KCNH1: variants seen among roughly 807,000 people sequenced by gnomAD.
The protein encoded by KCNH1 is potassium voltage-gated channel subfamily H member 1, also known as voltage-gated delayed rectifier potassium channel KCNH1.
In KCNH1, 27 loss-of-function variants were observed where a neutral mutation model predicts 69.2. The observed-to-expected ratio is 0.39, with a 90% CI of 0.29 to 0.54. The LOEUF is 0.54. KCNH1 is among the 20% of genes least tolerant of loss of function. The probability of loss-of-function intolerance (pLI) is 0.68; values close to 1 mark genes in which losing one functional copy is unlikely to be tolerated. For synonymous variants in KCNH1, 456 were observed against 487.7 expected, an observed-to-expected ratio of 0.93 and a Z score of 0.86; for missense variants, 798 against 1,261.6, an observed-to-expected ratio of 0.63 and a Z score of 5.57.
At chr1:210,786,072 T>C (rs1333934480) in intron 9 of KCNH1, among the ~76,000 whole-genome samples, 1 of 152,208 alleles carries the variant, frequency 6.6e-6, no homozygotes, top group African/African-American at 2.4e-5. Context: ...ATCTATGCAA[T>C]TTATTAAGCA....
intron 7 of KCNH1, among the ~76,000 whole-genome samples, chr1:210,905,128 G>GTCA (rs1687075544): frequency 6.6e-6 from 1 of 152,172 alleles, no homozygotes; most frequent in Non-Finnish European, 1.5e-5. Flanking sequence ...ACATAGGACA[G>GTCA]GTCTTCGATA....
intron 10 of KCNH1, among the ~76,000 whole-genome samples, chr1:210,693,584 A>C (rs115864679): frequency 0.022 from 3,337 of 152,286 alleles, 44 homozygotes; most frequent in Middle Eastern, 0.048. Flanking sequence ...CATACACACC[A>C]GTTCATGATG....
intron 7 of KCNH1, among the ~76,000 whole-genome samples, chr1:210,910,900 C>G (rs190698945): frequency 6.6e-6 from 1 of 152,190 alleles, no homozygotes; most frequent in Non-Finnish European, 1.5e-5. Context: ...CTCTTTTATG[C>G]CACATTCATG....
At chr1:210,887,291 A>C (rs1686634609) in intron 7 of KCNH1, among the ~76,000 whole-genome samples, 1 of 152,184 alleles carries the variant, frequency 6.6e-6, no homozygotes, top group African/African-American at 2.4e-5. Flanking sequence ...TATCTAGCCA[A>C]ACTAAGCTTC....
intron 5 of KCNH1, among the ~76,000 whole-genome samples, chr1:211,035,324 C>A (rs959998365): frequency 7.3e-6 from 1 of 136,530 alleles, no homozygotes; most frequent in Non-Finnish European, 1.5e-5. Flanking sequence ...TCTCGGCTCA[C>A]TGCAAGCTCC....
chr1:210,731,270 T>C (rs1051294575), intron 10 of KCNH1, among the ~76,000 whole-genome samples: 1 of 152,208 alleles, frequency 6.6e-6, no homozygotes, highest in Non-Finnish European at 1.5e-5. Flanking sequence ...AAAGCCCATA[T>C]ACTTGGAGTT....
chr1:210,888,852 G>T (rs1452233628), intron 7 of KCNH1, among the ~76,000 whole-genome samples: 1 of 152,124 alleles, frequency 6.6e-6, no homozygotes, highest in East Asian at 1.9e-4. Flanking sequence ...GACTAAACCA[G>T]GAAGAAGTCA....
chr1:210,698,232 T>A (rs1681688208), intron 10 of KCNH1, among the ~76,000 whole-genome samples: 1 of 152,132 alleles, frequency 6.6e-6, no homozygotes, highest in Admixed American at 6.5e-5. Flanking sequence ...CAATCTTGGC[T>A]TTCTTGGTTG....
intron 7 of KCNH1, among the ~76,000 whole-genome samples, chr1:210,866,323 A>C (rs1332027687): frequency 1.3e-5 from 2 of 152,208 alleles, no homozygotes; most frequent in Admixed American, 6.5e-5. Context: ...AGCTAGTAAA[A>C]AATGCAACCC....
chr1:210,713,258 C>A (rs1395658370), intron 10 of KCNH1, among the ~76,000 whole-genome samples: 2 of 152,166 alleles, frequency 1.3e-5, no homozygotes, highest in African/African-American at 2.4e-5. Flanking sequence ...ATGAGATTGA[C>A]AGATGCCACC....
chr1:210,882,345 G>A (rs1686513876), intron 7 of KCNH1, among the ~76,000 whole-genome samples: 1 of 152,142 alleles, frequency 6.6e-6, no homozygotes, highest in Non-Finnish European at 1.5e-5. Context: ...ATCCTCATCT[G>A]GGTGTGGGAG....
intron 10 of KCNH1, among the ~76,000 whole-genome samples, chr1:210,701,159 G>T (rs951604550): frequency 2.1e-4 from 32 of 152,116 alleles, no homozygotes; most frequent in African/African-American, 7.5e-4. Context: ...GGATGGTCTC[G>T]ATCTCCTGAC....
chr1:210,968,767 A>G (rs1396823768), intron 6 of KCNH1, among the ~76,000 whole-genome samples: 1 of 152,014 alleles, frequency 6.6e-6, no homozygotes, highest in Non-Finnish European at 1.5e-5. Flanking sequence ...TCTGGATATT[A>G]GCCCTTTGTC....
At chr1:210,718,651 TAC>T (rs57407331) in intron 10 of KCNH1, among the ~76,000 whole-genome samples, 8,836 of 75,410 alleles carry the variant, frequency 0.12, 1,417 homozygotes, top group African/African-American at 0.15. Flanking sequence ...CATATATATA[TAC>T]ACACACACAC....
intron 7 of KCNH1, among the ~76,000 whole-genome samples, chr1:210,838,224 CA>C (rs1263433122): frequency 6.6e-6 from 1 of 151,960 alleles, no homozygotes; most frequent in Non-Finnish European, 1.5e-5. Context: ...ACAAACCTGA[CA>C]AAAAACAAGC....
chr1:210,955,978 G>T (rs2102350884), intron 6 of KCNH1, among the ~76,000 whole-genome samples: 1 of 152,196 alleles, frequency 6.6e-6, no homozygotes, highest in Non-Finnish European at 1.5e-5. Flanking sequence ...CCTGTCTTGT[G>T]CCAGTTTTCA....
intron 3 of KCNH1, among the ~76,000 whole-genome samples, chr1:211,100,203 C>T (rs1347313448): frequency 2.0e-5 from 3 of 152,132 alleles, no homozygotes. Flanking sequence ...ACATACTTAC[C>T]CTGCTTAAAA....
chr1:210,998,715 T>C (rs1411975676), intron 6 of KCNH1, among the ~76,000 whole-genome samples: 1 of 152,186 alleles, frequency 6.6e-6, no homozygotes, highest in Non-Finnish European at 1.5e-5. Flanking sequence ...ATACATTCTT[T>C]TCAGCACCAC....
At chr1:210,998,246 T>G (rs981652774) in intron 6 of KCNH1, among the ~76,000 whole-genome samples, 76 of 152,204 alleles carry the variant, frequency 5.0e-4, no homozygotes, top group African/African-American at 1.8e-3. Context: ...GACCTATCAG[T>G]GTGTTGTATT....
Sources: allele counts gnomAD v4.1 joint callset (sites outside exome capture counted in the v4.1 genomes callset), GRCh38; gene constraint gnomAD v4.1.1; transcripts MANE v1.5; gene names NCBI Gene and HGNC (gene_info 2026-07-23, HGNC 2026-07-21).